IMMP2L: variants seen among roughly 807,000 people sequenced by gnomAD.
The protein encoded by IMMP2L is inner mitochondrial membrane peptidase subunit 2, also known as mitochondrial inner membrane protease subunit 2.
A neutral mutation model predicts 19.3 loss-of-function variants in IMMP2L; 18 were observed. The ratio of observed to expected loss-of-function variants is 0.93; its 90% CI spans 0.64 to 1.38. The LOEUF (loss-of-function observed/expected upper bound fraction) is 1.38, where lower values mean the gene tolerates loss of function less well. Ranked by LOEUF, IMMP2L falls within the 40% of genes most tolerant of loss-of-function variation. The pLI is 0.00. For synonymous variants in IMMP2L, 76 were observed against 73.0 expected, an observed-to-expected ratio of 1.04 and a Z score of -0.21; for missense variants, 233 against 218.2, an observed-to-expected ratio of 1.07 and a Z score of -0.43.
chr7:111,026,184 C>T (rs535754412), intron 3 of IMMP2L, among the ~76,000 whole-genome samples: 1 of 152,244 alleles, frequency 6.6e-6, no homozygotes, highest in South Asian at 2.1e-4. Flanking sequence ...TACCTTCATT[C>T]TACTACATTG....
intron 3 of IMMP2L, among the ~76,000 whole-genome samples, chr7:111,025,949 T>C (rs1826765752): frequency 6.6e-6 from 1 of 152,198 alleles, no homozygotes; most frequent in South Asian, 2.1e-4. Context: ...ATATAACAAG[T>C]TCCCCGGGTG....
chr7:111,407,135 C>A (rs1172530549), intron 3 of IMMP2L, among the ~76,000 whole-genome samples: 4 of 151,752 alleles, frequency 2.6e-5, no homozygotes, highest in Non-Finnish European at 4.4e-5. Context: ...TAGCTAAAAT[C>A]AAAAAAGATA....
chr7:111,074,887 T>C (rs946564196), intron 3 of IMMP2L, among the ~76,000 whole-genome samples: 3 of 152,146 alleles, frequency 2.0e-5, no homozygotes, highest in African/African-American at 7.2e-5. Context: ...TATTTGTACA[T>C]AGAATCTTTA....
intron 3 of IMMP2L, among the ~76,000 whole-genome samples, chr7:111,178,470 T>C (rs1807325873): frequency 1.3e-5 from 2 of 152,026 alleles, no homozygotes; most frequent in Non-Finnish European, 2.9e-5. Flanking sequence ...GTCTGCCCTA[T>C]TAATTAACTC....
At chr7:110,674,566 T>G (rs112894646) in intron 5 of IMMP2L, among the ~76,000 whole-genome samples, 6 of 152,244 alleles carry the variant, frequency 3.9e-5, no homozygotes, top group African/African-American at 1.4e-4. Flanking sequence ...AGAGAGAAAT[T>G]TCCAAATAAA....
chr7:111,507,116 T>C (rs575837079), intron 2 of IMMP2L, among the ~76,000 whole-genome samples: 2 of 152,128 alleles, frequency 1.3e-5, no homozygotes, highest in South Asian at 4.2e-4. Flanking sequence ...GCTGGGATTA[T>C]AGGCGTGAGC....
In IMMP2L at chr7:110,898,980, T is replaced by C. The variant is rs1811596803; in HGVS notation, c.306-12285A>G. On this transcript the variant is annotated intron_variant, in intron 4 of 5. Transcript: ENST00000405709. ...CTTCGGGGCCACAAAGACAACTCTT[T>C]AATCAAGACATATGAACTGACTGAT... Among the ~76,000 whole-genome samples the C allele has an allele frequency of 2.0e-5, 3 of 152,124 alleles. No homozygotes were observed. In the South Asian group the frequency reaches 6.2e-4, roughly 31 times the overall value.
chr7:111,499,321 A>G lies in IMMP2L; in HGVS notation c.136-11980T>C, dbSNP rs1585367956. Among the ~76,000 whole-genome samples, 3 of 152,318 alleles carry G rather than the reference A, an allele frequency of 2.0e-5. 1 individual carries two copies. The South Asian group carries it at 6.2e-4, about 32-fold the overall frequency. ...GGGATGGGGTAGACAGGGAATATCA[A>G]TGTAATAATCTACCAAAACTCTGCC... is the stretch of plus-strand genomic sequence containing the variant. On this transcript the variant is annotated intron_variant, in intron 2 of 5. Coordinates refer to ENST00000405709, the MANE Select transcript of IMMP2L (RefSeq NM_032549.4).
In IMMP2L at chr7:111,215,359, AC is replaced by A. The variant is rs113900066; in HGVS notation, c.240-251795del. On this transcript the variant is annotated intron_variant, in intron 3 of 5. Coordinates refer to ENST00000405709, the MANE Select transcript of IMMP2L (RefSeq NM_032549.4). ...AGTATTACACTCGAATCTGAATCTG[AC>A]CCAAAATCCAATGTTTTTCCAGCTT... 3.0e-3 allele frequency among the ~76,000 whole-genome samples: 463 copies of A among 152,266 alleles called. 1 individual carries two copies. Among genetic ancestry groups the A allele is most frequent in the African/African-American group, 0.011 (440 of 41,562 alleles).
At chr7:110,933,240 G>A (rs577025107) in intron 4 of IMMP2L, among the ~76,000 whole-genome samples, 27 of 152,158 alleles carry the variant, frequency 1.8e-4, no homozygotes, top group Admixed American at 4.6e-4. Context: ...ATACTGGAGG[G>A]GGGTAATGAG....
intron 4 of IMMP2L, among the ~76,000 whole-genome samples, chr7:110,959,865 C>CT (rs1286520888): frequency 6.6e-6 from 1 of 151,952 alleles, no homozygotes; most frequent in East Asian, 1.9e-4. Context: ...GCATCATTAA[C>CT]CCTTGCTCTG....
intron 5 of IMMP2L, among the ~76,000 whole-genome samples, chr7:110,724,846 T>G (rs1002381796): frequency 3.3e-5 from 5 of 152,196 alleles, no homozygotes; most frequent in Non-Finnish European, 5.9e-5. Flanking sequence ...CAAGAATCAC[T>G]GCTATTAAGG....
chr7:111,200,748 G>C (rs578094568), intron 3 of IMMP2L, among the ~76,000 whole-genome samples: 302 of 152,146 alleles, frequency 2.0e-3, no homozygotes, highest in Non-Finnish European at 1.7e-3. Flanking sequence ...ACTCTGCCCT[G>C]GCAGAGAAAC....
intron 5 of IMMP2L, among the ~76,000 whole-genome samples, chr7:110,775,304 A>G (rs1421983372): frequency 2.1e-5 from 3 of 145,652 alleles, no homozygotes; most frequent in Non-Finnish European, 4.6e-5. Flanking sequence ...TACAGCTTGT[A>G]TGTGTAGCTT....
intron 3 of IMMP2L, among the ~76,000 whole-genome samples, chr7:111,106,393 A>C (rs1411040952): frequency 6.6e-6 from 1 of 151,980 alleles, no homozygotes; most frequent in African/African-American, 2.4e-5. Context: ...AGCCCTTGAA[A>C]TAATAGAAAT....
chr7:111,492,612 C>T (rs1372255034), intron 2 of IMMP2L, among the ~76,000 whole-genome samples: 2 of 152,096 alleles, frequency 1.3e-5, no homozygotes, highest in African/African-American at 4.8e-5. Context: ...TCCCCACTGA[C>T]CCAAATTTTA....
At chr7:110,980,171 C>A (rs917262307) in intron 3 of IMMP2L, among the ~76,000 whole-genome samples, 6 of 150,050 alleles carry the variant, frequency 4.0e-5, no homozygotes, top group African/African-American at 1.5e-4. Context: ...GTGACCACTC[C>A]CTGCTTTGAA....
chr7:111,108,906 C>A (rs1300827012), intron 3 of IMMP2L, among the ~76,000 whole-genome samples: 1 of 152,042 alleles, frequency 6.6e-6, no homozygotes, highest in Non-Finnish European at 1.5e-5. Flanking sequence ...ATTTATTGAA[C>A]AACAATAGCA....
rs1056970458 is a variant in IMMP2L, at chr7:111,451,280, T to C, written c.239+35958A>G. Among the ~76,000 whole-genome samples the C allele has an allele frequency of 7.3e-5, 11 of 149,962 alleles. No homozygotes were observed. In the East Asian group the frequency reaches 1.9e-3, roughly 26 times the overall value. ...ATGCACACGTATGTTTATTGCGGCA[T>C]TATTCACAATAGCAAAGACTTGGAA... is the stretch of plus-strand genomic sequence containing the variant. On this transcript the variant is annotated intron_variant, in intron 3 of 5. Transcript: ENST00000405709.
Sources: gnomAD v4.1 joint callset for allele counts (sites outside exome capture counted in the v4.1 genomes callset) on GRCh38, gnomAD v4.1.1 for gene constraint, MANE v1.5 for transcripts, NCBI Gene and HGNC (gene_info 2026-07-23, HGNC 2026-07-21) for gene names.